The following NXPE2 variants were observed in gnomAD, a reference collection of about 807,000 sequenced individuals.
The protein encoded by NXPE2 is neurexophilin and PC-esterase domain family member 2.
Under a neutral mutation model 34.4 loss-of-function variants are expected in NXPE2, and 34 were observed. That is an observed-to-expected ratio of 0.99 (90% CI 0.75 to 1.31). The LOEUF is 1.31. Among genes scored for constraint, NXPE2 ranks in the 40% most tolerant of loss-of-function variants. The pLI is 0.00. For synonymous variants in NXPE2, 235 were observed against 231.3 expected, an observed-to-expected ratio of 1.02 and a Z score of -0.15; for missense variants, 649 against 672.5, an observed-to-expected ratio of 0.97 and a Z score of 0.39.
chr11:114,530,779 T>C, the NXPE2 span: 1 of 1,614,256 alleles, frequency 6.2e-7, no homozygotes, highest in Non-Finnish European at 8.5e-7. Context: ...AGTTTCTCTA[T>C]GATTTCCTTT....
the NXPE2 span, among the ~76,000 whole-genome samples, chr11:114,628,359 A>G: frequency 6.6e-6 from 1 of 152,334 alleles, no homozygotes; most frequent in Non-Finnish European, 1.5e-5. Flanking sequence ...ACTCAGGATT[A>G]AGAATCTCAC....
chr11:114,651,312 G>A, the NXPE2 span, among the ~76,000 whole-genome samples: 4 of 151,940 alleles, frequency 2.6e-5, no homozygotes, highest in South Asian at 4.2e-4. Context: ...GAGTGAAGCC[G>A]CAGACCTTGT....
At chr11:114,578,268 A>G in the NXPE2 span, among the ~76,000 whole-genome samples, 6 of 152,194 alleles carry the variant, frequency 3.9e-5, no homozygotes, top group African/African-American at 1.4e-4. Context: ...CTTCCAACTT[A>G]CTTCAGTTTT....
the NXPE2 span, among the ~76,000 whole-genome samples, chr11:114,610,860 G>T: frequency 6.6e-6 from 1 of 151,896 alleles, no homozygotes; most frequent in South Asian, 2.1e-4. Context: ...GGTAACCACT[G>T]TTCCCCGGGG....
At chr11:114,737,587 G>C in the NXPE2 span, among the ~76,000 whole-genome samples, 2 of 152,186 alleles carry the variant, frequency 1.3e-5, no homozygotes, top group Non-Finnish European at 2.9e-5. Flanking sequence ...GAGGTAGTTT[G>C]TGCTATTATC....
chr11:114,636,708 A>T, the NXPE2 span, among the ~76,000 whole-genome samples: 1 of 151,888 alleles, frequency 6.6e-6, no homozygotes, highest in African/African-American at 2.4e-5. Context: ...TTCTGCCTTC[A>T]TTTCGTTATG....
the NXPE2 span, among the ~76,000 whole-genome samples, chr11:114,501,011 C>T: frequency 6.6e-6 from 1 of 152,032 alleles, no homozygotes; most frequent in Non-Finnish European, 1.5e-5. Flanking sequence ...TCTCTTTGAC[C>T]CCTGAATTAT....
At chr11:114,577,009 TTA>T in the NXPE2 span, among the ~76,000 whole-genome samples, 18,804 of 116,078 alleles carry the variant, frequency 0.16, 1,739 homozygotes, top group Admixed American at 0.19. Context: ...ATATATAAAG[TTA>T]TATATATATA....
At chr11:114,718,476 C>G in the NXPE2 span, among the ~76,000 whole-genome samples, 1 of 152,192 alleles carries the variant, frequency 6.6e-6, no homozygotes, top group African/African-American at 2.4e-5. Flanking sequence ...AGAAAACATG[C>G]AACAATATGA....
At chr11:114,478,142 A>C in the NXPE2 span, among the ~76,000 whole-genome samples, 3 of 151,712 alleles carry the variant, frequency 2.0e-5, no homozygotes, top group Non-Finnish European at 4.4e-5. Context: ...TCCTAGATTC[A>C]CCAGGTAATG....
chr11:114,753,390 C>G, the NXPE2 span, among the ~76,000 whole-genome samples: 1 of 135,180 alleles, frequency 7.4e-6, no homozygotes, highest in Non-Finnish European at 1.7e-5. Flanking sequence ...AAGACCCTGT[C>G]TTAGAAAAAA....
chr11:114,495,005 A>G, the NXPE2 span, among the ~76,000 whole-genome samples: 1 of 152,202 alleles, frequency 6.6e-6, no homozygotes, highest in Non-Finnish European at 1.5e-5. Context: ...ATCTGGGAGA[A>G]TTCTCTGGAT....
At chr11:114,581,622 G>C in the NXPE2 span, 2 of 897,224 alleles carry the variant, frequency 2.2e-6, no homozygotes, top group Non-Finnish European at 3.5e-6. Context: ...CAGATGAACA[G>C]AGTGCTGATA....
the NXPE2 span, among the ~76,000 whole-genome samples, chr11:114,768,260 A>G: frequency 6.6e-6 from 1 of 151,934 alleles, no homozygotes; most frequent in Non-Finnish European, 1.5e-5. Context: ...GTACTGTTCC[A>G]TTGGTCTATA....
chr11:114,642,100 G>C, the NXPE2 span, among the ~76,000 whole-genome samples: 102,222 of 151,830 alleles, frequency 0.67, 34,799 homozygotes, highest in African/African-American at 0.75. Context: ...AGTGGAAAAG[G>C]CTGGCAAACA....
chr11:114,595,164 C>A, the NXPE2 span, among the ~76,000 whole-genome samples: 3 of 152,108 alleles, frequency 2.0e-5, no homozygotes, highest in Admixed American at 1.3e-4. Context: ...CACTGAGAAC[C>A]ACATCATTAC....
chr11:114,565,752 A>G, the NXPE2 span, among the ~76,000 whole-genome samples: 13 of 152,188 alleles, frequency 8.5e-5, no homozygotes, highest in Non-Finnish European at 1.5e-4. Flanking sequence ...GGGATGTAAA[A>G]TGATCTCATT....
chr11:114,633,028 A>C, the NXPE2 span, among the ~76,000 whole-genome samples: 1 of 109,776 alleles, frequency 9.1e-6, no homozygotes, highest in Non-Finnish European at 1.7e-5. Flanking sequence ...TATATAATGT[A>C]ATATTTTATT....
At chr11:114,708,085 G>A (rs1000160062), downstream of NXPE2, among the ~76,000 whole-genome samples, 1 of 152,194 alleles carries the variant, frequency 6.6e-6, no homozygotes. Context: ...TTGAAGACAT[G>A]TGCAGCCCAG....
Sources: gnomAD v4.1 joint callset for allele counts (sites outside exome capture counted in the v4.1 genomes callset) on GRCh38, gnomAD v4.1.1 for gene constraint, MANE v1.5 for transcripts, NCBI Gene and HGNC (gene_info 2026-07-23, HGNC 2026-07-21) for gene names.